CTNNB1: variants seen among roughly 807,000 people sequenced by gnomAD.
CTNNB1 encodes catenin beta 1, also known as catenin beta-1.
Under a neutral mutation model 82.5 loss-of-function variants are expected in CTNNB1, and 6 were observed. That is an observed-to-expected ratio of 0.07 (90% CI 0.04 to 0.14). The LOEUF is 0.14. Ranked by LOEUF, CTNNB1 falls within the 10% of genes least tolerant of loss-of-function variation. The probability of loss-of-function intolerance (pLI) is 1.00; values close to 1 mark genes in which losing one functional copy is unlikely to be tolerated. For missense variants in CTNNB1, 529 were observed against 980.4 expected, an observed-to-expected ratio of 0.54 and a Z score of 6.15; for synonymous variants, 312 against 329.7, an observed-to-expected ratio of 0.95 and a Z score of 0.58.
chr3:41,217,739 A>T (rs2077948350), intron 1 of CTNNB1, among the ~76,000 whole-genome samples: 1 of 152,198 alleles, frequency 6.6e-6, no homozygotes, highest in Non-Finnish European at 1.5e-5. Context: ...TGCCAATCTG[A>T]TAAGCAAAAA....
chr3:41,240,210 T>A lies in CTNNB1; in HGVS notation c.*868T>A, dbSNP rs1282833302. 2 of 198,956 alleles carry A rather than the reference T, an allele frequency of 1.0e-5. No individual in the cohort carries two copies. Among genetic ancestry groups the A allele is most frequent in the East Asian group, 7.9e-5 (1 of 12,690 alleles). The allele number at this position is 198,956 out of a possible 1,614,324, so 12.3% of individuals were successfully genotyped here. A position where few individuals can be genotyped will look rare whatever the true frequency, so the allele number is the denominator to read the frequency against. On this transcript the variant is annotated 3_prime_UTR_variant, in exon 15 of 15. Coordinates refer to ENST00000349496, the MANE Select transcript of CTNNB1 (RefSeq NM_001904.4). The stretch of plus-strand genomic sequence containing the variant: ...CAAATAGAAAATGGTCCAATTAGTT[T>A]CCTTTTTAATATGCTTAAAATAAGC...
chr3:41,236,785 CACTT>C (rs2078447644), intron 13 of CTNNB1, 76 bp downstream of exon 13: 23 of 1,571,112 alleles, frequency 1.5e-5, no homozygotes, highest in Non-Finnish European at 1.6e-5. Context: ...CCTCTCAAAA[CACTT>C]AGTACACATT....
intron 1 of CTNNB1, among the ~76,000 whole-genome samples, chr3:41,210,488 A>G (rs2077754937): frequency 6.6e-6 from 1 of 152,064 alleles, no homozygotes; most frequent in Admixed American, 6.5e-5. Flanking sequence ...AGACATGAAC[A>G]CATTAGCCTA....
Position 41,239,393 on chromosome 3 carries a change from T to G in CTNNB1, c.*51T>G. ...AAAAGCCAGTTTGGGTAAAATACTT[T>G]TACTCTGCCTACAGAACTTCAGAAA... On this transcript the variant is annotated 3_prime_UTR_variant, in exon 15 of 15. Coordinates refer to ENST00000349496, the MANE Select transcript of CTNNB1 (RefSeq NM_001904.4). The G allele has an allele frequency of 6.6e-7, 1 of 1,506,668 alleles. No homozygotes were observed. The highest frequency in any genetic ancestry group is 9.1e-7 in the Non-Finnish European group (1 of 1,096,808). The allele number at this position is 1,506,668 out of a possible 1,614,324, so 93.3% of individuals were successfully genotyped here. A position where few individuals can be genotyped will look rare whatever the true frequency, so the allele number is the denominator to read the frequency against.
intron 1 of CTNNB1, among the ~76,000 whole-genome samples, chr3:41,210,289 C>T (rs193267440): frequency 0.019 from 2,966 of 152,108 alleles, 36 homozygotes; most frequent in Non-Finnish European, 0.027. Context: ...CCCGTCTCTA[C>T]TAAAAATACA....
chr3:41,238,373 G>T (rs2078490661), intron 14 of CTNNB1: 3 of 369,272 alleles, frequency 8.1e-6, no homozygotes, highest in South Asian at 6.6e-5. Flanking sequence ...TTGGCCAGAG[G>T]ACTCATAATA....
intron 1 of CTNNB1, chr3:41,222,180 C>G (rs915245493): frequency 4.6e-5 from 7 of 152,210 alleles, no homozygotes; most frequent in African/African-American, 1.7e-4. Flanking sequence ...GGAGAGACAG[C>G]CCTTAGTCCA....
chr3:41,228,945 A>G (rs1035192145), intron 7 of CTNNB1, among the ~76,000 whole-genome samples: 1 of 152,184 alleles, frequency 6.6e-6, no homozygotes, highest in Non-Finnish European at 1.5e-5. Flanking sequence ...GGATGTGGCT[A>G]GCCAGTTATC....
intron 13 of CTNNB1, chr3:41,237,007 A>G: frequency 1.8e-6 from 1 of 564,500 alleles, no homozygotes; most frequent in Non-Finnish European, 3.1e-6. Context: ...GTAAGGAAAG[A>G]GGCAGTGTTA....
chr3:41,224,797 A>C (rs752653613), intron 3 of CTNNB1, 44 bp downstream of exon 3: 3 of 1,599,974 alleles, frequency 1.9e-6, no homozygotes, highest in South Asian at 1.1e-5. Flanking sequence ...GTCAGAATGC[A>C]GTTTTGAGAA....
At chr3:41,233,235 A>G (rs964463487) in intron 7 of CTNNB1, 106 bp from the exon 8 acceptor site, 2 of 926,846 alleles carry the variant, frequency 2.2e-6, no homozygotes, top group Non-Finnish European at 3.5e-6. Context: ...AAGGAAGTAA[A>G]CTCTGGAAAT....
intron 7 of CTNNB1, among the ~76,000 whole-genome samples, chr3:41,229,876 C>CTGTGTGTGTG (rs58153157): frequency 0.012 from 1,797 of 147,186 alleles, 16 homozygotes; most frequent in African/African-American, 0.026. Context: ...CTCTTGGGTT[C>CTGTGTGTGTG]TGTGTGTGTG....
intron 1 of CTNNB1, 75 bp from the exon 2 acceptor site, chr3:41,223,946 C>A: frequency 9.4e-7 from 1 of 1,059,414 alleles, no homozygotes; most frequent in East Asian, 2.4e-5. Context: ...TGACATTTAA[C>A]AGGTATCCCA....
At chr3:41,232,540 G>C (rs1037988649) in intron 7 of CTNNB1, among the ~76,000 whole-genome samples, 1 of 152,018 alleles carries the variant, frequency 6.6e-6, no homozygotes, top group Non-Finnish European at 1.5e-5. Flanking sequence ...ACTGCATTCA[G>C]AAGTGATTTA....
chr3:41,219,276 G>A (rs945332761), intron 1 of CTNNB1, among the ~76,000 whole-genome samples: 14 of 152,064 alleles, frequency 9.2e-5, no homozygotes, highest in Admixed American at 3.3e-4. Context: ...TTTATTTTAG[G>A]ATTATGTTAC....
At chr3:41,237,059 C>T (rs1281458279) in intron 13 of CTNNB1, 1 of 402,854 alleles carries the variant, frequency 2.5e-6, no homozygotes, top group Non-Finnish European at 4.4e-6. Flanking sequence ...TTTTACTAAA[C>T]TTTAATAAAA....
Position 41,234,316 on chromosome 3 carries a change from T to C in CTNNB1, c.1683+19T>C. On this transcript the variant is annotated intron_variant, in intron 10 of 14. Transcript: ENST00000349496. ...ATTTGTGGTAGGTAAATTCTTACAG[T>C]GATACCTGGCTATCTAAAAGGAATG... 1 of 1,613,698 alleles carries C rather than the reference T, an allele frequency of 6.2e-7. No individual in the cohort carries two copies. Among genetic ancestry groups the C allele is most frequent in the Non-Finnish European group, 8.5e-7 (1 of 1,179,602 alleles).
At chr3:41,210,634 C>T (rs2077759270) in intron 1 of CTNNB1, among the ~76,000 whole-genome samples, 1 of 152,032 alleles carries the variant, frequency 6.6e-6, no homozygotes, top group South Asian at 2.1e-4. Context: ...TGGAATACCT[C>T]TTGAAGGACC....
At chr3:41,227,593 T>G (rs1321341000) in intron 7 of CTNNB1, among the ~76,000 whole-genome samples, 2 of 152,304 alleles carry the variant, frequency 1.3e-5, no homozygotes, top group African/African-American at 4.8e-5. Flanking sequence ...CTTAATAAAA[T>G]TTGTTTGTAA....
Sources: allele counts gnomAD v4.1 joint callset (sites outside exome capture counted in the v4.1 genomes callset), GRCh38; gene constraint gnomAD v4.1.1; transcripts MANE v1.5; gene names NCBI Gene and HGNC (gene_info 2026-07-23, HGNC 2026-07-21).